NT5DC1: variants seen among roughly 807,000 people sequenced by gnomAD.
NT5DC1 encodes the protein 5'-nucleotidase domain containing 1.
NT5DC1 carries 42 observed loss-of-function variants against 59.4 expected under a neutral mutation model. The observed-to-expected ratio is 0.71, with a 90% CI of 0.55 to 0.92. NT5DC1 has a LOEUF of 0.92. Ranked by LOEUF, NT5DC1 falls within the 40% of genes least tolerant of loss-of-function variation. The probability of loss-of-function intolerance (pLI) is 0.00; values close to 1 mark genes in which losing one functional copy is unlikely to be tolerated. For synonymous variants in NT5DC1, 172 were observed against 188.1 expected, an observed-to-expected ratio of 0.91 and a Z score of 0.70; for missense variants, 501 against 537.1, an observed-to-expected ratio of 0.93 and a Z score of 0.66.
At chr6:116,118,895 A>G (rs937111739) in intron 6 of NT5DC1, 1 of 152,194 alleles carries the variant, frequency 6.6e-6, no homozygotes, top group Non-Finnish European at 1.5e-5. Flanking sequence ...ATAGGGACAT[A>G]TCCATGACAA....
chr6:116,102,419 T>G (rs950946833), intron 1 of NT5DC1, among the ~76,000 whole-genome samples: 6 of 152,244 alleles, frequency 3.9e-5, no homozygotes, highest in African/African-American at 1.4e-4. Flanking sequence ...GCTTTTTTAC[T>G]GCTTGATTCT....
chr6:116,189,390 G>A (rs1018705297), intron 6 of NT5DC1, among the ~76,000 whole-genome samples: 2 of 151,488 alleles, frequency 1.3e-5, no homozygotes, highest in African/African-American at 4.8e-5. Context: ...TTTATTTTTT[G>A]TCTTCGTAGT....
In NT5DC1 at chr6:116,121,174, G is replaced by A. The variant is rs1392448485; in HGVS notation, c.529+3229G>A. On this transcript the variant is annotated intron_variant, in intron 6 of 11. Coordinates refer to ENST00000319550, the MANE Select transcript of NT5DC1 (RefSeq NM_152729.3). ...CTTTGGCACCTGGACCCCCAGGAAGGCCAGCAGGTCCTCTTTCTCCCTTCA... is the reference window on the plus strand; with the variant it reads ...CTTTGGCACCTGGACCCCCAGGAAGACCAGCAGGTCCTCTTTCTCCCTTCA... 16 of 1,613,072 alleles carry A rather than the reference G, an allele frequency of 9.9e-6. No homozygotes were observed. The Admixed American group carries it at 2.7e-4, about 27-fold the overall frequency.
intron 6 of NT5DC1, among the ~76,000 whole-genome samples, chr6:116,189,526 T>G (rs1318259417): frequency 6.6e-6 from 1 of 152,010 alleles, no homozygotes; most frequent in African/African-American, 2.4e-5. Context: ...AAGACACAAA[T>G]GAACATATAA....
chr6:116,153,037 G>C (rs774495626), intron 6 of NT5DC1, among the ~76,000 whole-genome samples: 1 of 151,816 alleles, frequency 6.6e-6, no homozygotes, highest in Non-Finnish European at 1.5e-5. Flanking sequence ...TTTTTGAAAA[G>C]AAGTAAAATC....
chr6:116,229,223 A>C (rs1242362757), intron 8 of NT5DC1, among the ~76,000 whole-genome samples: 1 of 152,020 alleles, frequency 6.6e-6, no homozygotes, highest in Non-Finnish European at 1.5e-5. Flanking sequence ...AGTCATCCTC[A>C]TTTCTTCCCT....
intron 6 of NT5DC1, among the ~76,000 whole-genome samples, chr6:116,126,476 T>C (rs1779315602): frequency 6.6e-6 from 1 of 152,166 alleles, no homozygotes; most frequent in African/African-American, 2.4e-5. Context: ...TTGGTTGATA[T>C]TATATAATAT....
At chr6:116,144,147 G>A (rs775642175) in intron 6 of NT5DC1, among the ~76,000 whole-genome samples, 2 of 152,136 alleles carry the variant, frequency 1.3e-5, no homozygotes, top group African/African-American at 2.4e-5. Context: ...GGGGATTTAT[G>A]TAATTGGAAT....
intron 6 of NT5DC1, among the ~76,000 whole-genome samples, chr6:116,136,075 A>G (rs1455575627): frequency 6.6e-6 from 1 of 151,962 alleles, no homozygotes. Flanking sequence ...TGCCACTTGA[A>G]AAACATCTCC....
intron 4 of NT5DC1, among the ~76,000 whole-genome samples, chr6:116,111,347 T>A (rs1403093612): frequency 6.6e-6 from 1 of 152,230 alleles, no homozygotes; most frequent in Non-Finnish European, 1.5e-5. Context: ...TCTATGATTA[T>A]CTTCCTTACT....
At chr6:116,163,141 A>AAAAAATATATATATAT (rs761718922) in intron 6 of NT5DC1, among the ~76,000 whole-genome samples, 4 of 88,400 alleles carry the variant, frequency 4.5e-5, no homozygotes, top group African/African-American at 1.7e-4. Flanking sequence ...AAAAAAAAAA[A>AAAAAATATATATATAT]ATATATATAT....
chr6:116,125,268 A>G, intron 6 of NT5DC1: 1 of 1,540,194 alleles, frequency 6.5e-7, no homozygotes. Flanking sequence ...GCATTTTGTT[A>G]AAGAGATTAT....
At chr6:116,163,139 A>ATATATATATATAT in intron 6 of NT5DC1, among the ~76,000 whole-genome samples, 1 of 100,400 alleles carries the variant, frequency 1.0e-5, no homozygotes, top group East Asian at 2.7e-4. Flanking sequence ...AAAAAAAAAA[A>ATATATATATATAT]AAATATATAT....
At chr6:116,144,504 A>C (rs1168376650) in intron 6 of NT5DC1, among the ~76,000 whole-genome samples, 3 of 152,174 alleles carry the variant, frequency 2.0e-5, no homozygotes, top group African/African-American at 7.2e-5. Context: ...CGTCTCAAAA[A>C]AAAAAAAAAG....
intron 6 of NT5DC1, among the ~76,000 whole-genome samples, chr6:116,199,290 T>C (rs1412456159): frequency 2.0e-5 from 3 of 152,110 alleles, no homozygotes; most frequent in African/African-American, 7.2e-5. Flanking sequence ...TTCCTTTTCT[T>C]ATAGGTTGTT....
At chr6:116,113,924 A>G (rs1416276860) in intron 4 of NT5DC1, among the ~76,000 whole-genome samples, 1 of 152,214 alleles carries the variant, frequency 6.6e-6, no homozygotes, top group Admixed American at 6.5e-5. Flanking sequence ...CGATATGACA[A>G]AGTGCAGATT....
At chr6:116,133,466 A>G (rs1779517068) in intron 6 of NT5DC1, among the ~76,000 whole-genome samples, 1 of 152,210 alleles carries the variant, frequency 6.6e-6, no homozygotes, top group Non-Finnish European at 1.5e-5. Context: ...ATAGTGTACA[A>G]AGTAAAGTAC....
At chr6:116,198,715 G>C (rs1781285605) in intron 6 of NT5DC1, among the ~76,000 whole-genome samples, 1 of 151,906 alleles carries the variant, frequency 6.6e-6, no homozygotes, top group East Asian at 1.9e-4. Context: ...GGCAACAGGG[G>C]AAGATCCTGT....
At position 116,245,828 on chromosome 6, in the gene NT5DC1, G is replaced by A. The variant is rs1401323233; in HGVS notation, c.*1804G>A. ...TTGAGTAGTGGCGGGGGTTCAGGAG[G>A]CAGAATTCAGTTGTCAGAAGTTCTA... On this transcript the variant is annotated 3_prime_UTR_variant, in exon 12 of 12. Coordinates refer to ENST00000319550, the MANE Select transcript of NT5DC1 (RefSeq NM_152729.3). 6.6e-6 allele frequency: 1 copy of A among 151,996 alleles called. No individual in the cohort carries two copies. The highest frequency in any genetic ancestry group is 2.4e-5 in the African/African-American group (1 of 41,398). 9.4% of individuals were successfully genotyped at this position (151,996 alleles called of 1,614,324 possible).
Sources: gnomAD v4.1 joint callset for allele counts (sites outside exome capture counted in the v4.1 genomes callset) on GRCh38, gnomAD v4.1.1 for gene constraint, MANE v1.5 for transcripts, NCBI Gene and HGNC (gene_info 2026-07-23, HGNC 2026-07-21) for gene names.